The following STARD13 variants were observed in gnomAD, a reference collection of about 807,000 sequenced individuals.
STARD13 encodes the protein StAR related lipid transfer domain containing 13, also known as stAR-related lipid transfer protein 13.
A neutral mutation model predicts 106.4 loss-of-function variants in STARD13; 62 were observed. That is an observed-to-expected ratio of 0.58 (90% CI 0.48 to 0.72). The LOEUF is 0.72. STARD13 is among the 30% of genes least tolerant of loss of function. The pLI, the probability that STARD13 is intolerant of heterozygous loss-of-function variation, is 0.00. For synonymous variants in STARD13, 565 were observed against 553.0 expected (o/e 1.02, Z -0.31); for missense variants, 1,387 against 1,424.0 (o/e 0.97, Z 0.42).
chr13:33,617,219 C>T, the STARD13 span, among the ~76,000 whole-genome samples: 2 of 152,286 alleles, frequency 1.3e-5, no homozygotes, highest in African/African-American at 4.8e-5. Flanking sequence ...GACTCAATAA[C>T]ACTATAAGGT....
At chr13:33,577,057 A>C in the STARD13 span, among the ~76,000 whole-genome samples, 1 of 152,250 alleles carries the variant, frequency 6.6e-6, no homozygotes, top group African/African-American at 2.4e-5. Context: ...AGCCCTTTTA[A>C]AAACATTTTT....
At chr13:33,460,157 T>C in the STARD13 span, among the ~76,000 whole-genome samples, 1 of 152,062 alleles carries the variant, frequency 6.6e-6, no homozygotes, top group African/African-American at 2.4e-5. Context: ...CTTTATTCCT[T>C]TGAGGATTCT....
chr13:33,209,736 C>T (rs569428449), intron 1 of STARD13, among the ~76,000 whole-genome samples: 4 of 151,966 alleles, frequency 2.6e-5, no homozygotes, highest in African/African-American at 9.7e-5. Context: ...TTTGGGAGAC[C>T]GAGGTGGGAG....
At chr13:33,416,297 G>T in the STARD13 span, among the ~76,000 whole-genome samples, 3 of 152,188 alleles carry the variant, frequency 2.0e-5, no homozygotes, top group African/African-American at 7.2e-5. Context: ...ACTATATAAT[G>T]TGCTGATGGT....
At chr13:33,638,302 TAGTGAGACATAAGACATA>T in the STARD13 span, among the ~76,000 whole-genome samples, 89 of 152,122 alleles carry the variant, frequency 5.9e-4, no homozygotes, top group South Asian at 1.7e-3. Context: ...CAATACATTT[TAGTGAGACATAAGACATA>T]AGTGAGACAT....
the STARD13 span, among the ~76,000 whole-genome samples, chr13:33,557,950 T>G: frequency 6.6e-6 from 1 of 152,180 alleles, no homozygotes; most frequent in Non-Finnish European, 1.5e-5. Context: ...ATCGGAACAT[T>G]CTCAAGGGCA....
At chr13:33,282,033 A>G (rs149602095) in intron 1 of STARD13, among the ~76,000 whole-genome samples, 2 of 151,936 alleles carry the variant, frequency 1.3e-5, no homozygotes, top group Admixed American at 6.6e-5. Flanking sequence ...AAAAAATCCA[A>G]TTCTCCCTTT....
the STARD13 span, among the ~76,000 whole-genome samples, chr13:33,372,613 G>A: frequency 3.5e-3 from 537 of 151,576 alleles, 4 homozygotes; most frequent in African/African-American, 0.012. Context: ...TGAACCAACC[G>A]AATTCCCATT....
At chr13:33,460,966 A>G in the STARD13 span, among the ~76,000 whole-genome samples, 2 of 152,266 alleles carry the variant, frequency 1.3e-5, no homozygotes, top group Non-Finnish European at 2.9e-5. Context: ...TAATTAGGCC[A>G]AGTGAAATAA....
At chr13:33,556,469 T>TG in the STARD13 span, among the ~76,000 whole-genome samples, 1 of 151,978 alleles carries the variant, frequency 6.6e-6, no homozygotes, top group African/African-American at 2.4e-5. Context: ...TTTGTAGAGA[T>TG]GGGGGTCTCA....
At chr13:33,205,964 C>T in intron 1 of STARD13, 1 of 985,416 alleles carries the variant, frequency 1.0e-6, no homozygotes, top group Non-Finnish European at 1.2e-6. Flanking sequence ...TTCGTTATCT[C>T]TGCCAGCTAA....
At chr13:33,608,112 G>T in the STARD13 span, among the ~76,000 whole-genome samples, 3 of 152,038 alleles carry the variant, frequency 2.0e-5, no homozygotes, top group African/African-American at 7.3e-5. Context: ...TCACTATGTT[G>T]CTCAGACTGG....
the STARD13 span, among the ~76,000 whole-genome samples, chr13:33,617,190 T>G: frequency 1.3e-5 from 2 of 152,220 alleles, no homozygotes; most frequent in African/African-American, 4.8e-5. Context: ...TTTGATCACT[T>G]AGTTTGTGAT....
At chr13:33,422,780 A>G in the STARD13 span, among the ~76,000 whole-genome samples, 2 of 152,200 alleles carry the variant, frequency 1.3e-5, no homozygotes, top group African/African-American at 4.8e-5. Context: ...GAGCCCTCAG[A>G]AATAACACCA....
At chr13:33,256,420 C>T (rs1890368822) in intron 1 of STARD13, among the ~76,000 whole-genome samples, 1 of 152,162 alleles carries the variant, frequency 6.6e-6, no homozygotes, top group South Asian at 2.1e-4. Flanking sequence ...GTACCCAGGC[C>T]CCACAGTTTT....
At chr13:33,127,943 G>A (rs1210625001) in intron 5 of STARD13, among the ~76,000 whole-genome samples, 3 of 151,358 alleles carry the variant, frequency 2.0e-5, no homozygotes, top group African/African-American at 7.3e-5. Flanking sequence ...GGAAAGAGAC[G>A]GAGACAGGGA....
chr13:33,339,553 C>T (rs1238821848), intron 1 of STARD13, among the ~76,000 whole-genome samples: 2 of 152,138 alleles, frequency 1.3e-5, no homozygotes, highest in African/African-American at 4.8e-5. Flanking sequence ...CCTTTCCCAC[C>T]TTTATGGTGC....
At chr13:33,600,360 A>G in the STARD13 span, among the ~76,000 whole-genome samples, 45 of 152,346 alleles carry the variant, frequency 3.0e-4, no homozygotes, top group African/African-American at 1.1e-3. Flanking sequence ...AAATTTAAAT[A>G]TAGCCCGTGT....
the STARD13 span, among the ~76,000 whole-genome samples, chr13:33,541,753 G>C: frequency 1.3e-5 from 2 of 152,072 alleles, no homozygotes; most frequent in Non-Finnish European, 2.9e-5. Flanking sequence ...AATTTTCCAG[G>C]AGAACTGAGC....
Sources: allele counts gnomAD v4.1 joint callset (sites outside exome capture counted in the v4.1 genomes callset), GRCh38; gene constraint gnomAD v4.1.1; transcripts MANE v1.5; gene names NCBI Gene and HGNC (gene_info 2026-07-23, HGNC 2026-07-21).